The following CREB3 variants were observed in gnomAD, a reference collection of about 807,000 sequenced individuals.
CREB3 encodes cAMP responsive element binding protein 3, also known as cyclic AMP-responsive element-binding protein 3.
In CREB3, 29 loss-of-function variants were observed where a neutral mutation model predicts 34.5. That is an observed-to-expected ratio of 0.84 (90% CI 0.63 to 1.15). CREB3 has a LOEUF of 1.15. Among genes scored for constraint, CREB3 ranks in the 50% most tolerant of loss-of-function variants. The pLI, the probability that CREB3 is intolerant of heterozygous loss-of-function variation, is 0.00. For synonymous variants in CREB3, 187 were observed against 173.9 expected, an observed-to-expected ratio of 1.08 and a Z score of -0.59; for missense variants, 447 against 443.4, an observed-to-expected ratio of 1.01 and a Z score of -0.07.
rs1256453179 is a variant in CREB3, at chr9:35,733,250, A to G, written c.313A>G (p.Thr105Ala). 1.9e-6 allele frequency: 3 copies of G among 1,613,708 alleles called. No homozygotes were observed. The African/African-American group carries it at 4.0e-5, about 22-fold the overall frequency. The change falls in exon 3 of 9, where the codon ACT becomes GCT. Residue 105 changes from threonine to alanine, a missense_variant. Thr to Ala is a moderately conservative substitution (Grantham distance 58, BLOSUM62 0). Transcript: ENST00000353704. ...CTGTAGAAAAGAGGGGACCCAGATG[A>G]CTCCACAGCATATGGAGGAGCTGGC... ...ESCRKEGTQM[T>A]PQHMEELAEQ...
chr9:35,734,755 G>A (rs560707549), intron 4 of CREB3, among the ~76,000 whole-genome samples: 9 of 152,112 alleles, frequency 5.9e-5, no homozygotes, highest in South Asian at 2.1e-4. Flanking sequence ...CACCACACCC[G>A]GCTAATTTTT....
In CREB3 at chr9:35,735,226, G is replaced by A; in HGVS notation, c.542+11G>A. ...GGGTTTAGAGAGCAGGTATGAAAGG[G>A]AGAGGGACTCTGTTGTAAGTATTAG... On this transcript the variant is annotated intron_variant, in intron 5 of 8. Coordinates refer to ENST00000353704, the MANE Select transcript of CREB3 (RefSeq NM_006368.5). 1 of 1,612,880 alleles carries A rather than the reference G, an allele frequency of 6.2e-7. No individual in the cohort carries two copies. The highest frequency in any genetic ancestry group is 1.3e-5 in the African/African-American group (1 of 74,950).
At position 35,736,116 on chromosome 9, in the gene CREB3, G is replaced by C. The variant is rs778147494; in HGVS notation, c.680G>C (p.Ser227Thr). 43 of 1,613,948 alleles carry C rather than the reference G, an allele frequency of 2.7e-5. No individual in the cohort carries two copies. The Admixed American group carries it at 5.2e-4, about 19-fold the overall frequency. Residue 227 changes from serine (S) to threonine (T), a missense_variant, in exon 7 of 9, where the codon AGC becomes ACC. Coordinates refer to ENST00000353704, the MANE Select transcript of CREB3 (RefSeq NM_006368.5). ...VIEISNKTSS[S>T]STCILVLLVS... ...GAGATATCAAACAAAACCAGCAGCA[G>C]CAGCACCTGCATCTTGGTGAGGATG...
chr9:35,732,896 T>C lies in CREB3; in HGVS notation c.124T>C (p.Ser42Pro). 6.2e-7 allele frequency: 1 copy of C among 1,613,734 alleles called. No individual in the cohort carries two copies. Among genetic ancestry groups the C allele is most frequent in the South Asian group, 1.1e-5 (1 of 91,018 alleles). ...RAPLDWALPLSEVPSDWEVDD... is the reference protein window; with the variant it reads ...RAPLDWALPLPEVPSDWEVDD... ...CCCACTGGACTGGGCGCTGCCGCTTTCTGAGGTAGGTTGGGGTTCTGACTG... is the reference window on the plus strand; with the variant it reads ...CCCACTGGACTGGGCGCTGCCGCTTCCTGAGGTAGGTTGGGGTTCTGACTG... Residue 42 changes from serine to proline, a missense_variant, in exon 1 of 9, where the codon TCT becomes CCT. Coordinates refer to ENST00000353704, the MANE Select transcript of CREB3 (RefSeq NM_006368.5). The surrounding 1 kb of genome is among the most constrained non-coding windows in gnomAD (Gnocchi z 5.1).
At position 35,736,492 on chromosome 9, in the gene CREB3, G is replaced by A; in HGVS notation, c.882G>A (p.Trp294Ter). Residue 294 changes from tryptophan to a stop codon, truncating the protein, a stop_gained, in exon 9 of 9, where the codon TGG (tryptophan) becomes TGA (stop). Transcript: ENST00000353704. LOFTEE classifies it low-confidence loss of function (END_TRUNC). ...TGCCGAAAGACAGCACACACCAGTG[G>A]TTGGACGGCTCAGACTGTGTACTCC... ...SEVPKDSTHQ[W>*]LDGSDCVLQA... 2 of 1,614,184 alleles carry A rather than the reference G, an allele frequency of 1.2e-6. No homozygotes were observed. The highest frequency in any genetic ancestry group is 1.7e-6 in the Non-Finnish European group (2 of 1,180,036).
intron 2 of CREB3, 21 bp from the exon 3 acceptor site, chr9:35,733,194 T>G (rs764707041): frequency 6.2e-7 from 1 of 1,614,226 alleles, no homozygotes; most frequent in South Asian, 1.1e-5. Context: ...GGCCTGGCTA[T>G]TCATACTTTC....
intron 4 of CREB3, among the ~76,000 whole-genome samples, chr9:35,734,902 C>A (rs963163006): frequency 6.6e-6 from 1 of 152,118 alleles, no homozygotes; most frequent in African/African-American, 2.4e-5. Flanking sequence ...TACTGCCCGA[C>A]CAGTTTTTTT....
chr9:35,732,743 G>C lies in CREB3; in HGVS notation c.-30G>C. On this transcript the variant is annotated 5_prime_UTR_variant, in exon 1 of 9. Transcript: ENST00000353704. The surrounding 1 kb of genome is among the most constrained non-coding windows in gnomAD (Gnocchi z 5.1). ...GTCTGGGCTTCGGACGTTGGGGCCC[G>C]GTGGCCCACCCTTTCCGTAGTTGTC... 6.3e-7 allele frequency: 1 copy of C among 1,588,222 alleles called. No individual in the cohort carries two copies. Among genetic ancestry groups the C allele is most frequent in the Non-Finnish European group, 8.6e-7 (1 of 1,166,890 alleles).
chr9:35,733,211 G>C lies in CREB3; in HGVS notation c.278-4G>C, dbSNP rs374678738. 218 of 1,614,054 alleles carry C rather than the reference G, an allele frequency of 1.4e-4. No individual in the cohort carries two copies. Among genetic ancestry groups the C allele is most frequent in the Non-Finnish European group, 1.8e-4 (210 of 1,180,040 alleles). On this transcript the variant is annotated splice_region_variant and splice_polypyrimidine_tract_variant and intron_variant, in intron 2 of 8. Transcript: ENST00000353704. The stretch of plus-strand genomic sequence containing the variant: ...CCTGGCTATTCATACTTTCCCTTTT[G>C]CAGAGAGTGAGAGCTGTAGAAAAGA...
Position 35,736,438 on chromosome 9 carries a change from G to C in CREB3, c.828G>C (p.Gln276His). Residue 276 changes from glutamine to histidine, a missense_variant, in exon 9 of 9, where the codon CAG becomes CAC. Coordinates refer to ENST00000353704, the MANE Select transcript of CREB3 (RefSeq NM_006368.5). ...CCCTCCCCAGTGAGGACCCTTACCA[G>C]CTGGAGCTGCCTGCCCTGCAGTCAG... ...LRALPSEDPY[Q>H]LELPALQSEV... The C allele has an allele frequency of 1.9e-6, 3 of 1,614,132 alleles. No individual in the cohort carries two copies. Among genetic ancestry groups the C allele is most frequent in the Non-Finnish European group, 2.5e-6 (3 of 1,180,052 alleles).
rs1826208424 is a variant in CREB3 at position 35,736,378 on chromosome 9, CTTT to C, written c.782-13_782-11del. ...AGGTCTGGGTTGGCCTCTGAAGATT[CTTT>C]GTCTCCTCAGTGTTGTCCCGCCAGC... is the stretch of plus-strand genomic sequence containing the variant. On this transcript the variant is annotated splice_polypyrimidine_tract_variant and intron_variant, in intron 8 of 8. Transcript: ENST00000353704. The C allele has an allele frequency of 6.2e-7, 1 of 1,613,192 alleles. No individual in the cohort carries two copies.
At chr9:35,736,154 G>T in intron 7 of CREB3, 22 bp downstream of exon 7, 1 of 1,613,178 alleles carries the variant, frequency 6.2e-7, no homozygotes, top group East Asian at 2.2e-5. Flanking sequence ...GATGAGGGGA[G>T]AAATCCTTTT....
In CREB3 at chr9:35,736,764, G is replaced by C; in HGVS notation, c.*38G>C. ...GTGGGGGGTCTCAGCAGGAGCCTGG[G>C]GGGCTCCCCATCTGTGTCCAAATAA... is the stretch of plus-strand genomic sequence containing the variant. On this transcript the variant is annotated 3_prime_UTR_variant, in exon 9 of 9. Coordinates refer to ENST00000353704, the MANE Select transcript of CREB3 (RefSeq NM_006368.5). 1 of 1,540,106 alleles carries C rather than the reference G, an allele frequency of 6.5e-7. No individual in the cohort carries two copies. The highest frequency in any genetic ancestry group is 8.8e-7 in the Non-Finnish European group (1 of 1,135,912).
At position 35,733,295 on chromosome 9, in the gene CREB3, A is replaced by G. The variant is rs747504189; in HGVS notation, c.345+13A>G. ...GCTGGCAGAGCAGGTACTTGACTTGATTTTCAGGAGATTACTCTCACATTC... is the reference window on the plus strand; with the variant it reads ...GCTGGCAGAGCAGGTACTTGACTTGGTTTTCAGGAGATTACTCTCACATTC... On this transcript the variant is annotated intron_variant, in intron 3 of 8. Coordinates refer to ENST00000353704, the MANE Select transcript of CREB3 (RefSeq NM_006368.5). The G allele has an allele frequency of 6.2e-7, 1 of 1,614,004 alleles. No individual in the cohort carries two copies. The highest frequency in any genetic ancestry group is 1.7e-5 in the Admixed American group (1 of 60,028).
chr9:35,736,230 C>T lies in CREB3; in HGVS notation c.700C>T (p.Leu234=). ...TCTCCTTTTTCCTGTGCTCTAGGTC[C>T]TACTAGTCTCCTTCTGCCTCCTCCT... ...TSSSSTCILV[L]LVSFCLLLVP... is the part of the protein sequence containing the mutation. The change falls in exon 8 of 9, where the codon CTA becomes TTA. Residue 234 remains leucine, a synonymous_variant. Transcript: ENST00000353704. The T allele has an allele frequency of 6.2e-7, 1 of 1,614,130 alleles. No homozygotes were observed. Among genetic ancestry groups the T allele is most frequent in the Non-Finnish European group, 8.5e-7 (1 of 1,180,002 alleles).
In CREB3 at chr9:35,736,341, G is replaced by A. The variant is rs1826206821; in HGVS notation, c.781+30G>A. On this transcript the variant is annotated intron_variant, in intron 8 of 8. Transcript: ENST00000353704. Reference sequence around the variant, plus strand: ...GAGGCTTAAGGATAGCTCTCAGACAGGGCAAGGGGAGAGGTCTGGGTTGGC... The same window carrying A: ...GAGGCTTAAGGATAGCTCTCAGACAAGGCAAGGGGAGAGGTCTGGGTTGGC... 2.5e-6 allele frequency: 4 copies of A among 1,613,710 alleles called. No individual in the cohort carries two copies. The African/African-American group carries it at 4.0e-5, about 16-fold the overall frequency.
rs945169716 is a variant in CREB3, at chr9:35,736,955, G to A, written c.*229G>A. 17 of 796,310 alleles carry A rather than the reference G, an allele frequency of 2.1e-5. No homozygotes were observed. The African/African-American group carries it at 2.4e-4, about 11-fold the overall frequency. The allele number at this position is 796,310 out of a possible 1,614,324, so 49.3% of individuals were successfully genotyped here. ...CAACTGACCTCCCTGAACATTTCAC[G>A]CAGTCAGGGAACAGGTGAGGAAAGA... On this transcript the variant is annotated 3_prime_UTR_variant, in exon 9 of 9. Coordinates refer to ENST00000353704, the MANE Select transcript of CREB3 (RefSeq NM_006368.5).
In CREB3 at chr9:35,732,768, C is replaced by A. The variant is rs1238128890; in HGVS notation, c.-5C>A. On this transcript the variant is annotated 5_prime_UTR_variant, in exon 1 of 9. Transcript: ENST00000353704. This position sits in a 1 kb window ranked among gnomAD's most constrained non-coding sequence, Gnocchi z 5.1. ...GGTGGCCCACCCTTTCCGTAGTTGTCCCAAATGGAGCTGGAATTGGATGCT... is the reference window on the plus strand; with the variant it reads ...GGTGGCCCACCCTTTCCGTAGTTGTACCAAATGGAGCTGGAATTGGATGCT... 14 of 1,607,474 alleles carry A rather than the reference C, an allele frequency of 8.7e-6. No individual in the cohort carries two copies. The East Asian group carries it at 3.1e-4, about 36-fold the overall frequency.
rs924909214 is a variant in CREB3, at chr9:35,736,850, A to G, written c.*124A>G. 10 of 890,378 alleles carry G rather than the reference A, an allele frequency of 1.1e-5. No homozygotes were observed. Among genetic ancestry groups the G allele is most frequent in the Non-Finnish European group, 1.7e-5 (10 of 580,176 alleles). The allele number at this position is 890,378 out of a possible 1,614,324, so 55.2% of individuals were successfully genotyped here. Reference sequence around the variant, plus strand: ...CCCTGTCAGGACGACTGAGGGCTCAAACACACCACACTTAATGGCTTTCTG... The same window carrying G: ...CCCTGTCAGGACGACTGAGGGCTCAGACACACCACACTTAATGGCTTTCTG... On this transcript the variant is annotated 3_prime_UTR_variant, in exon 9 of 9. Transcript: ENST00000353704.
Sources: allele counts gnomAD v4.1 joint callset (sites outside exome capture counted in the v4.1 genomes callset), GRCh38; gene constraint gnomAD v4.1.1; non-coding constraint Gnocchi (gnomAD v3.1); transcripts MANE v1.5; gene names NCBI Gene and HGNC (gene_info 2026-07-23, HGNC 2026-07-21).